PHACTR3: variants seen among roughly 807,000 people sequenced by gnomAD.
PHACTR3 encodes protein phosphatase 1, regulatory subunit 123.
PHACTR3 carries 16 observed loss-of-function variants against 66.8 expected under a neutral mutation model. The observed-to-expected ratio is 0.24, with a 90% CI of 0.16 to 0.36. The LOEUF (loss-of-function observed/expected upper bound fraction) is 0.36, where lower values mean the gene tolerates loss of function less well. Among genes scored for constraint, PHACTR3 ranks in the 10% least tolerant of loss-of-function variants. PHACTR3 has a pLI of 1.00. For synonymous variants in PHACTR3, 323 were observed against 292.1 expected (o/e 1.11, Z -1.08); for missense variants, 647 against 719.9 (o/e 0.90, Z 1.16).
intron 7 of PHACTR3, among the ~76,000 whole-genome samples, chr20:59,785,861 G>GCC (rs1568820568): frequency 1.3e-4 from 4 of 30,182 alleles, no homozygotes; most frequent in African/African-American, 2.4e-4. Context: ...TGCATCCCCT[G>GCC]CTTCTGCATC....
At position 59,724,657 on chromosome 20, in the gene PHACTR3, G is replaced by A. The variant is rs577369877; in HGVS notation, c.119-18450G>A. On this transcript the variant is annotated intron_variant, in intron 1 of 12. Coordinates refer to ENST00000371015, the MANE Select transcript of PHACTR3 (RefSeq NM_080672.5). Reference sequence around the variant, plus strand: ...CCCAATGCTGTGTGATCCTGGGCCAGTCAGTTAGCCTTTTGCAGTTAGCTG... The same window carrying A: ...CCCAATGCTGTGTGATCCTGGGCCAATCAGTTAGCCTTTTGCAGTTAGCTG... Among the ~76,000 whole-genome samples the A allele has an allele frequency of 1.6e-4, 25 of 152,298 alleles. No individual in the cohort carries two copies. In the South Asian group the frequency reaches 5.0e-3, roughly 30 times the overall value.
chr20:59,630,775 C>A (rs891018146), intron 1 of PHACTR3, among the ~76,000 whole-genome samples: 4 of 151,858 alleles, frequency 2.6e-5, no homozygotes, highest in Non-Finnish European at 4.4e-5. Context: ...CCCGGCCACC[C>A]TCAAGGAGCT....
intron 1 of PHACTR3, among the ~76,000 whole-genome samples, chr20:59,722,033 A>ATCCT (rs2038323875): frequency 1.3e-5 from 2 of 152,102 alleles, no homozygotes; most frequent in African/African-American, 4.8e-5. Flanking sequence ...GATCGAGACC[A>ATCCT]TCCTGGCTAA....
chr20:59,759,803 A>G (rs556340936), intron 4 of PHACTR3, among the ~76,000 whole-genome samples: 16 of 152,304 alleles, frequency 1.1e-4, no homozygotes, highest in Non-Finnish European at 1.8e-4. Context: ...TAATTCCATG[A>G]CAGACAGATG....
intron 1 of PHACTR3, among the ~76,000 whole-genome samples, chr20:59,710,978 A>T (rs1450596517): frequency 1.3e-5 from 2 of 152,222 alleles, no homozygotes; most frequent in Non-Finnish European, 2.9e-5. Flanking sequence ...AATTAAAGTC[A>T]TTCCCAGTCA....
At chr20:59,812,158 C>A (rs566306108) in intron 8 of PHACTR3, among the ~76,000 whole-genome samples, 4 of 152,322 alleles carry the variant, frequency 2.6e-5, no homozygotes, top group African/African-American at 9.6e-5. Context: ...CATTCCCATT[C>A]GTGACTGTTG....
At chr20:59,827,844 C>G (rs575166868) in intron 8 of PHACTR3, among the ~76,000 whole-genome samples, 1 of 152,156 alleles carries the variant, frequency 6.6e-6, no homozygotes, top group African/African-American at 2.4e-5. Flanking sequence ...CCAAGCTTGG[C>G]GGGGCTTCCT....
chr20:59,723,370 T>C (rs1380103199), intron 1 of PHACTR3, among the ~76,000 whole-genome samples: 1 of 152,022 alleles, frequency 6.6e-6, no homozygotes, highest in Non-Finnish European at 1.5e-5. Flanking sequence ...GATCGTACAG[T>C]GTGGGGTGTG....
intron 1 of PHACTR3, among the ~76,000 whole-genome samples, chr20:59,679,886 G>A (rs2036581417): frequency 1.3e-5 from 2 of 152,156 alleles, no homozygotes; most frequent in African/African-American, 2.4e-5. Context: ...CCCGCAACAC[G>A]TGGAAACTAT....
chr20:59,670,705 CTTATG>C, intron 1 of PHACTR3, among the ~76,000 whole-genome samples: 1 of 151,962 alleles, frequency 6.6e-6, no homozygotes, highest in Non-Finnish European at 1.5e-5. Context: ...AGCATTCAAG[CTTATG>C]TTTGTTGGAC....
chr20:59,637,569 C>T (rs2034939042), intron 1 of PHACTR3, among the ~76,000 whole-genome samples: 1 of 152,090 alleles, frequency 6.6e-6, no homozygotes, highest in Non-Finnish European at 1.5e-5. Context: ...ATGCATTTCT[C>T]CTGGGAATTC....
intron 1 of PHACTR3, among the ~76,000 whole-genome samples, chr20:59,703,514 G>A (rs927768589): frequency 1.1e-4 from 16 of 152,124 alleles, no homozygotes; most frequent in Non-Finnish European, 1.5e-5. Context: ...GATGGGGGAA[G>A]GTTTGTAAGG....
intron 1 of PHACTR3, among the ~76,000 whole-genome samples, chr20:59,730,238 A>G (rs2038715136): frequency 6.6e-6 from 1 of 152,214 alleles, no homozygotes; most frequent in Non-Finnish European, 1.5e-5. Flanking sequence ...TGGAAAAATA[A>G]CAGGAAACCT....
intron 1 of PHACTR3, among the ~76,000 whole-genome samples, chr20:59,662,667 T>A (rs2035851386): frequency 6.6e-6 from 1 of 151,936 alleles, no homozygotes; most frequent in Non-Finnish European, 1.5e-5. Flanking sequence ...ATTGCTTTTT[T>A]AAGAGAGCCC....
chr20:59,697,581 A>G (rs189236599), intron 1 of PHACTR3, among the ~76,000 whole-genome samples: 141 of 152,258 alleles, frequency 9.3e-4, no homozygotes, highest in Admixed American at 1.5e-3. Flanking sequence ...TGCTATTGCT[A>G]TTTGTTACCC....
intron 1 of PHACTR3, among the ~76,000 whole-genome samples, chr20:59,623,182 C>T (rs979580113): frequency 2.0e-5 from 3 of 151,856 alleles, no homozygotes; most frequent in Admixed American, 6.6e-5. Flanking sequence ...GTAGAACGCG[C>T]GCATGTTGAA....
chr20:59,648,743 C>T (rs2035366418), intron 1 of PHACTR3, among the ~76,000 whole-genome samples: 2 of 152,314 alleles, frequency 1.3e-5, no homozygotes, highest in South Asian at 4.1e-4. Flanking sequence ...TTAAAGAGGA[C>T]ACACTTGGAT....
At chr20:59,604,117 G>A (rs1181854848), upstream of PHACTR3, among the ~76,000 whole-genome samples, 1 of 151,566 alleles carries the variant, frequency 6.6e-6, no homozygotes, top group East Asian at 2.0e-4. Context: ...GGTCCGGGGT[G>A]CCCTAGCAGG....
At chr20:59,810,373 C>T (rs1913483876) in intron 8 of PHACTR3, among the ~76,000 whole-genome samples, 1 of 152,238 alleles carries the variant, frequency 6.6e-6, no homozygotes, top group Non-Finnish European at 1.5e-5. Context: ...CTATTTGTCA[C>T]CATGTTTAAA....
Sources: gnomAD v4.1 joint callset for allele counts (sites outside exome capture counted in the v4.1 genomes callset) on GRCh38, gnomAD v4.1.1 for gene constraint, MANE v1.5 for transcripts, NCBI Gene and HGNC (gene_info 2026-07-23, HGNC 2026-07-21) for gene names.